The following SMC3 variants were observed in gnomAD, a reference collection of about 807,000 sequenced individuals.
SMC3 encodes the protein structural maintenance of chromosomes 3, also known as structural maintenance of chromosomes protein 3.
Under a neutral mutation model 171.8 loss-of-function variants are expected in SMC3, and 20 were observed. The ratio of observed to expected loss-of-function variants is 0.12; its 90% CI spans 0.08 to 0.17. The LOEUF is 0.17. Ranked by LOEUF, SMC3 falls within the 10% of genes least tolerant of loss-of-function variation. The pLI, the probability that SMC3 is intolerant of heterozygous loss-of-function variation, is 1.00. For missense variants in SMC3, 543 were observed against 1,420.4 expected (o/e 0.38, Z 9.93); for synonymous variants, 464 against 451.1 (o/e 1.03, Z -0.36).
intron 18 of SMC3, among the ~76,000 whole-genome samples, chr10:110,595,813 A>T (rs1022878567): frequency 6.6e-6 from 1 of 150,848 alleles, no homozygotes; most frequent in South Asian, 2.1e-4. Flanking sequence ...TTTCCCAAAT[A>T]TGGCCAGTGG....
At chr10:110,593,015 T>A in intron 17 of SMC3, 58 bp from the exon 18 acceptor site, 1 of 1,336,574 alleles carries the variant, frequency 7.5e-7, no homozygotes, top group South Asian at 1.2e-5. Flanking sequence ...AATTTCATAA[T>A]TCTAAGTTCT....
At chr10:110,584,992 A>G (rs967850585) in intron 13 of SMC3, among the ~76,000 whole-genome samples, 9 of 151,732 alleles carry the variant, frequency 5.9e-5, no homozygotes, top group Non-Finnish European at 1.3e-4. Flanking sequence ...ATGTCACAAC[A>G]TATGTCTAAA....
At chr10:110,598,869 T>A (rs1256733991) in intron 20 of SMC3, among the ~76,000 whole-genome samples, 1 of 152,200 alleles carries the variant, frequency 6.6e-6, no homozygotes, top group East Asian at 1.9e-4. Context: ...TTTTTGTCAG[T>A]AACCATTTTT....
At chr10:110,576,059 A>G (rs1474432452) in intron 4 of SMC3, among the ~76,000 whole-genome samples, 2 of 152,230 alleles carry the variant, frequency 1.3e-5, no homozygotes, top group Non-Finnish European at 2.9e-5. Flanking sequence ...CAGCGGGGTT[A>G]TGTCCTAATA....
chr10:110,575,178 A>G (rs529364554), intron 3 of SMC3, among the ~76,000 whole-genome samples, 158 bp from the exon 4 acceptor site: 1 of 152,300 alleles, frequency 6.6e-6, no homozygotes, highest in African/African-American at 2.4e-5. Context: ...TCTGATGTGC[A>G]GGCACATTTT....
chr10:110,579,810 G>C (rs899365794), intron 7 of SMC3, among the ~76,000 whole-genome samples: 1 of 152,160 alleles, frequency 6.6e-6, no homozygotes, highest in South Asian at 2.1e-4. Flanking sequence ...ATTCTTTGAT[G>C]TAGATACTTT....
At chr10:110,575,098 A>C (rs2134715666) in intron 3 of SMC3, among the ~76,000 whole-genome samples, 1 of 151,978 alleles carries the variant, frequency 6.6e-6, no homozygotes, top group East Asian at 1.9e-4. Flanking sequence ...GTTTCTCTTT[A>C]TTTCCTTACC....
chr10:110,603,561 T>C (rs113824463), intron 28 of SMC3, among the ~76,000 whole-genome samples: 8 of 152,358 alleles, frequency 5.3e-5, no homozygotes, highest in African/African-American at 9.6e-5. Flanking sequence ...TTAACAATTA[T>C]ATATGTTCAT....
chr10:110,584,219 T>C lies in SMC3; in HGVS notation c.1128T>C (p.Tyr376=), dbSNP rs1006880805. 1 of 1,614,000 alleles carries C rather than the reference T, an allele frequency of 6.2e-7. No homozygotes were observed. Among genetic ancestry groups the C allele is most frequent in the African/African-American group, 1.3e-5 (1 of 74,918 alleles). ...CTACCCAGGAAAGAACGGATCTTTA[T>C]GCAAAGCAGGGTCGAGGAAGCCAGT... ...AQATQERTDL[Y]AKQGRGSQFT... is the part of the protein sequence containing the mutation. Residue 376 remains tyrosine (Y), a synonymous_variant, in exon 13 of 29, where the codon TAT becomes TAC. Coordinates refer to ENST00000361804, the MANE Select transcript of SMC3 (RefSeq NM_005445.4).
chr10:110,577,215 T>C (rs1243918887), intron 4 of SMC3, among the ~76,000 whole-genome samples: 1 of 152,114 alleles, frequency 6.6e-6, no homozygotes, highest in Non-Finnish European at 1.5e-5. Context: ...GGATATATAC[T>C]ATAACTCTGG....
At chr10:110,593,289 TG>T in intron 18 of SMC3, 66 bp downstream of exon 18, 5 of 1,542,060 alleles carry the variant, frequency 3.2e-6, no homozygotes, top group Non-Finnish European at 4.5e-6. Context: ...ACATATAATC[TG>T]GCTGGGCGCA....
At chr10:110,596,862 GTTTTTT>G (rs202036279) in intron 19 of SMC3, among the ~76,000 whole-genome samples, 1 of 145,658 alleles carries the variant, frequency 6.9e-6, no homozygotes. Context: ...AACCTTGGTA[GTTTTTT>G]TTTTTTTCCC....
chr10:110,583,654 T>G (rs2134726838), intron 11 of SMC3, 106 bp downstream of exon 11: 1 of 1,294,274 alleles, frequency 7.7e-7, no homozygotes, highest in East Asian at 2.4e-5. Context: ...TTTTTTAAGC[T>G]TTGCTACGTT....
At chr10:110,601,184 T>A (rs1861381286) in intron 23 of SMC3, 54 bp downstream of exon 23, 1 of 1,240,512 alleles carries the variant, frequency 8.1e-7, no homozygotes, top group East Asian at 2.3e-5. Flanking sequence ...TAAAATTGTT[T>A]ACTACAGAAT....
intron 4 of SMC3, among the ~76,000 whole-genome samples, chr10:110,576,115 G>A (rs1404958270): frequency 2.0e-5 from 3 of 152,118 alleles, no homozygotes; most frequent in Admixed American, 6.5e-5. Flanking sequence ...ATGGACATTA[G>A]CCTACAGTTG....
chr10:110,590,608 A>G, intron 16 of SMC3, 36 bp downstream of exon 16: 1 of 1,587,328 alleles, frequency 6.3e-7, no homozygotes, highest in Non-Finnish European at 8.6e-7. Flanking sequence ...CATTTTTAGA[A>G]GAGGGAATAA....
At chr10:110,577,984 GC>G in intron 6 of SMC3, 70 bp downstream of exon 6, 1 of 1,095,300 alleles carries the variant, frequency 9.1e-7, no homozygotes. Context: ...TGCTGTGTTG[GC>G]CAGGTTGGTC....
Position 110,602,591 on chromosome 10 carries a change from G to A in SMC3, c.3223G>A (p.Gly1075Ser). ...SQSQDEGEGS[G>S]ESERGSGSQS... ...GTCTCAAGATGAAGGAGAAGGGAGT[G>A]GTGAGAGTGAGAGGGGTTCTGGCTC... Residue 1075 changes from glycine to serine, a missense_variant, in exon 26 of 29, where the codon GGT (glycine) becomes AGT (serine). Gly to Ser is a moderately conservative substitution (Grantham distance 56). Coordinates refer to ENST00000361804, the MANE Select transcript of SMC3 (RefSeq NM_005445.4). 6.2e-7 allele frequency: 1 copy of A among 1,613,840 alleles called. No homozygotes were observed.
chr10:110,582,270 G>A (rs556713363), intron 9 of SMC3, among the ~76,000 whole-genome samples, 172 bp downstream of exon 9: 1 of 152,154 alleles, frequency 6.6e-6, no homozygotes, highest in Admixed American at 6.5e-5. Flanking sequence ...TAGCCATGTG[G>A]TCCTTGCTAT....
Sources: gnomAD v4.1 joint callset for allele counts (sites outside exome capture counted in the v4.1 genomes callset) on GRCh38, gnomAD v4.1.1 for gene constraint, MANE v1.5 for transcripts, NCBI Gene and HGNC (gene_info 2026-07-23, HGNC 2026-07-21) for gene names.